NTRK1: variants seen among roughly 807,000 people sequenced by gnomAD.
The protein encoded by NTRK1 is neurotrophic receptor tyrosine kinase 1.
NTRK1 carries 62 observed loss-of-function variants against 86.8 expected under a neutral mutation model. The ratio of observed to expected loss-of-function variants is 0.71; its 90% CI spans 0.58 to 0.88. The LOEUF (loss-of-function observed/expected upper bound fraction) is 0.88, where lower values mean the gene tolerates loss of function less well. Ranked by LOEUF, NTRK1 falls within the 40% of genes least tolerant of loss-of-function variation. The pLI, the probability that NTRK1 is intolerant of heterozygous loss-of-function variation, is 0.00. For synonymous variants in NTRK1, 469 were observed against 456.6 expected, an observed-to-expected ratio of 1.03 and a Z score of -0.35; for missense variants, 967 against 1,078.4, an observed-to-expected ratio of 0.90 and a Z score of 1.45.
At chr1:156,839,297 C>T (rs945321729) in intron 1 of NTRK1, among the ~76,000 whole-genome samples, 4 of 152,372 alleles carry the variant, frequency 2.6e-5, no homozygotes, top group Admixed American at 6.5e-5. Context: ...AGTCTCATCT[C>T]GCCAGACCCA....
At chr1:156,842,067 T>G (rs752394184) in intron 1 of NTRK1, 6 of 1,611,106 alleles carry the variant, frequency 3.7e-6, no homozygotes, top group Non-Finnish European at 5.1e-6. Context: ...TAAGGGAGTC[T>G]CTCTACTTTT....
upstream of NTRK1, among the ~76,000 whole-genome samples, chr1:156,856,716 C>G (rs754973150): frequency 1.3e-5 from 2 of 152,196 alleles, no homozygotes; most frequent in African/African-American, 2.4e-5. Flanking sequence ...TCTGCTTTCC[C>G]CCAGTTGTGC....
At chr1:156,816,251 G>T in intron 1 of NTRK1, 2 of 826,616 alleles carry the variant, frequency 2.4e-6, no homozygotes, top group Non-Finnish European at 2.9e-6. Context: ...TCTCAGGCAT[G>T]AGGTTAAGTA....
chr1:156,852,121 GCCCC>G, intron 2 of NTRK1: 1 of 1,613,482 alleles, frequency 6.2e-7, no homozygotes. Context: ...GCTGGCTGCA[GCCCC>G]CCAGGCATTC....
intron 1 of NTRK1, among the ~76,000 whole-genome samples, chr1:156,861,803 G>C (rs1655665016): frequency 6.6e-6 from 1 of 152,150 alleles, no homozygotes; most frequent in Admixed American, 6.5e-5. Flanking sequence ...ACCTGGGGCG[G>C]GGAGTCAGGG....
At position 156,861,163 on chromosome 1, in the gene NTRK1, C is replaced by T. The variant is rs1357128969; in HGVS notation, c.212+17C>T. 4.5e-6 allele frequency: 7 copies of T among 1,545,408 alleles called. No homozygotes were observed. The highest frequency in any genetic ancestry group is 6.1e-6 in the Non-Finnish European group (7 of 1,149,568). ...GACTGAGCTGTGAGTGTCCGGCGGG[C>T]GGTGGGGGGGCGCGGGGACAGGCAG... On this transcript the variant is annotated intron_variant, in intron 1 of 16. Transcript: ENST00000524377.
intron 1 of NTRK1, among the ~76,000 whole-genome samples, chr1:156,863,923 C>G (rs545017991): frequency 2.0e-5 from 3 of 152,128 alleles, no homozygotes; most frequent in African/African-American, 7.2e-5. Flanking sequence ...TGTGTGTGCA[C>G]GTGAGAGATG....
rs1264089584 is a variant in NTRK1 at position 156,815,939 on chromosome 1, C to T, written c.-64+101C>T. 3.1e-6 allele frequency: 5 copies of T among 1,606,290 alleles called. No homozygotes were observed. In the African/African-American group the frequency reaches 6.7e-5, roughly 22 times the overall value. On this transcript the variant is annotated intron_variant, in intron 1 of 16. Coordinates refer to the NTRK1 transcript ENST00000392302. ...AGTGGCCTTTGTCCATCTGCAAGTC[C>T]TTCCCCATGGGAGGGTGGGAGAGAT...
At chr1:156,846,600 C>A in intron 2 of NTRK1, 2 of 1,614,160 alleles carry the variant, frequency 1.2e-6, no homozygotes, top group South Asian at 1.1e-5. Flanking sequence ...AGCGTGATGG[C>A]CCGCACAAAC....
intron 1 of NTRK1, among the ~76,000 whole-genome samples, 190 bp from the exon 2 acceptor site, chr1:156,864,164 T>C (rs77462402): frequency 2.0e-5 from 3 of 152,154 alleles, no homozygotes; most frequent in Non-Finnish European, 4.4e-5. Context: ...CATGTGTGAC[T>C]TGAGGTGCGT....
chr1:156,841,003 C>T (rs781090784), intron 1 of NTRK1: 47 of 1,611,998 alleles, frequency 2.9e-5, no homozygotes, highest in East Asian at 2.2e-4. Flanking sequence ...GGAGAGGAGG[C>T]GGAAGGAGGG....
At position 156,879,350 on chromosome 1, in the gene NTRK1, C is replaced by A; in HGVS notation, c.2034C>A (p.Thr678=). The change falls in exon 15 of 17, where the codon ACC becomes ACA. Residue 678 remains threonine, a synonymous_variant. Transcript: ENST00000524377. The part of the protein sequence containing the change: ...DFGMSRDIYS[T]DYYRVGGRTM... ...GCATGAGCAGGGATATCTACAGCAC[C>A]GACTATTACCGTGTAAGGGTCCTTT... 6.2e-7 allele frequency: 1 copy of A among 1,604,458 alleles called. No homozygotes were observed.
At chr1:156,875,775 A>G in intron 12 of NTRK1, 109 bp downstream of exon 12, 1 of 1,407,104 alleles carries the variant, frequency 7.1e-7, no homozygotes, top group Non-Finnish European at 9.5e-7. Context: ...CCTTTCTCCC[A>G]CCCCTCCCCA....
intron 2 of NTRK1, chr1:156,845,201 C>T (rs1037697690): frequency 1.9e-6 from 3 of 1,609,418 alleles, no homozygotes; most frequent in Non-Finnish European, 2.5e-6. Context: ...CAGCACCGCT[C>T]GCTCACGGGG....
At chr1:156,850,530 C>CT (rs1558089282) in intron 2 of NTRK1, among the ~76,000 whole-genome samples, 25 of 107,192 alleles carry the variant, frequency 2.3e-4, no homozygotes, top group African/African-American at 9.3e-4. Context: ...TAATTTAAAA[C>CT]ATTCTTTTTT....
At chr1:156,844,321 A>C in intron 2 of NTRK1, 3 of 1,576,960 alleles carry the variant, frequency 1.9e-6, no homozygotes, top group Non-Finnish European at 2.6e-6. Context: ...TCAAAGATGT[A>C]GAAGTCAGAG....
intron 2 of NTRK1, chr1:156,844,722 G>A: frequency 1.2e-6 from 2 of 1,614,152 alleles, no homozygotes; most frequent in Non-Finnish European, 1.7e-6. Context: ...CCAAGCGGCG[G>A]TACTTGATTT....
intron 1 of NTRK1, among the ~76,000 whole-genome samples, chr1:156,831,846 G>A (rs1303080057): frequency 6.6e-6 from 1 of 152,168 alleles, no homozygotes; most frequent in African/African-American, 2.4e-5. Flanking sequence ...GAGATTGAAG[G>A]GTTTCCCTCT....
chr1:156,835,680 T>C (rs184992701), intron 1 of NTRK1, among the ~76,000 whole-genome samples: 37 of 152,348 alleles, frequency 2.4e-4, no homozygotes, highest in African/African-American at 7.9e-4. Flanking sequence ...CATCTTTCCA[T>C]GTCACTAAAT....
Sources: gnomAD v4.1 joint callset for allele counts (sites outside exome capture counted in the v4.1 genomes callset) on GRCh38, gnomAD v4.1.1 for gene constraint, MANE v1.5 for transcripts, NCBI Gene and HGNC (gene_info 2026-07-23, HGNC 2026-07-21) for gene names.